Variants in EYS observed in about 807,000 individuals in gnomAD.
The protein encoded by EYS is EGF-like photoreceptor maintenance factor.
A neutral mutation model predicts 282.1 loss-of-function variants in EYS; 250 were observed. That is an observed-to-expected ratio of 0.89 (90% CI 0.80 to 0.98). The LOEUF (loss-of-function observed/expected upper bound fraction) is 0.98. Ranked by LOEUF, EYS falls within the 50% of genes least tolerant of loss-of-function variation. EYS has a pLI of 0.00. For missense variants in EYS, 4,016 were observed against 3,709.0 expected (o/e 1.08, Z -2.15); for synonymous variants, 1,355 against 1,282.9 (o/e 1.06, Z -1.20).
intron 1 of EYS, among the ~76,000 whole-genome samples, chr6:65,644,701 A>C (rs1000632680): frequency 3.3e-5 from 5 of 152,236 alleles, no homozygotes; most frequent in African/African-American, 4.8e-5. Flanking sequence ...AACCTATCAG[A>C]TTAACAGCAG....
intron 31 of EYS, among the ~76,000 whole-genome samples, chr6:64,110,782 A>G (rs930768719): frequency 2.0e-5 from 3 of 151,968 alleles, no homozygotes; most frequent in African/African-American, 7.2e-5. Flanking sequence ...AAAGGAGTCT[A>G]AAAAAGGCAG....
intron 12 of EYS, among the ~76,000 whole-genome samples, chr6:65,242,266 G>T (rs1767076025): frequency 6.6e-6 from 1 of 151,904 alleles, no homozygotes; most frequent in Non-Finnish European, 1.5e-5. Context: ...ACCAGGAAAA[G>T]AATCTATTAG....
intron 6 of EYS, 34 bp downstream of exon 6, chr6:65,405,140 A>T (rs1412457237): frequency 6.5e-7 from 1 of 1,534,540 alleles, no homozygotes; most frequent in Non-Finnish European, 9.0e-7. Flanking sequence ...AAAAAATTTA[A>T]AACCACTCAC....
At chr6:64,166,070 T>A (rs996377373) in intron 31 of EYS, among the ~76,000 whole-genome samples, 5 of 152,208 alleles carry the variant, frequency 3.3e-5, no homozygotes, top group Non-Finnish European at 5.9e-5. Flanking sequence ...TTTCATAGCA[T>A]CTTAATGTTG....
intron 19 of EYS, among the ~76,000 whole-genome samples, chr6:64,870,836 AG>A (rs1201169321): frequency 1.3e-5 from 2 of 151,870 alleles, no homozygotes; most frequent in Non-Finnish European, 2.9e-5. Context: ...AGCAGACCGA[AG>A]GAAAAAAATA....
chr6:65,104,007 G>C (rs1774965717), intron 12 of EYS, among the ~76,000 whole-genome samples: 1 of 151,238 alleles, frequency 6.6e-6, no homozygotes, highest in Non-Finnish European at 1.5e-5. Context: ...TTATCTTGTT[G>C]TTCATGACTC....
At chr6:65,126,667 T>C (rs2150199638) in intron 12 of EYS, among the ~76,000 whole-genome samples, 2 of 152,338 alleles carry the variant, frequency 1.3e-5, no homozygotes, top group South Asian at 4.1e-4. Flanking sequence ...TGCAGTCAGC[T>C]AAGTATAGGA....
intron 5 of EYS, among the ~76,000 whole-genome samples, chr6:65,450,467 A>G (rs1764360015): frequency 6.6e-6 from 1 of 152,170 alleles, no homozygotes; most frequent in Non-Finnish European, 1.5e-5. Flanking sequence ...TCAAGGGGGA[A>G]AGAAAGTAGT....
At chr6:63,984,958 T>C (rs1767286496) in intron 34 of EYS, among the ~76,000 whole-genome samples, 1 of 151,718 alleles carries the variant, frequency 6.6e-6, no homozygotes, top group South Asian at 2.1e-4. Flanking sequence ...AATAAAGCCA[T>C]GTTAACTAAT....
chr6:64,576,015 G>A (rs926999070), intron 26 of EYS, among the ~76,000 whole-genome samples: 27 of 152,098 alleles, frequency 1.8e-4, no homozygotes, highest in Non-Finnish European at 3.5e-4. Flanking sequence ...CAAAGAGCTA[G>A]TAAGTTATAG....
At chr6:64,156,787 C>T (rs1244958243) in intron 31 of EYS, among the ~76,000 whole-genome samples, 5 of 152,056 alleles carry the variant, frequency 3.3e-5, no homozygotes, top group Non-Finnish European at 7.4e-5. Flanking sequence ...AGAGATGATT[C>T]AGAGTATCTG....
rs1444355508 is a variant in EYS at position 65,334,824 on chromosome 6, T to C, written c.1766+156A>G. On this transcript the variant is annotated intron_variant, in intron 11 of 42. Coordinates refer to ENST00000503581, the MANE Select transcript of EYS (RefSeq NM_001142800.2). ...ATAACATGTATTATGTAACATAATA[T>C]ATAATAACTATATATGTATATGTAA... 8.1e-6 allele frequency: 5 copies of C among 618,896 alleles called. No homozygotes were observed. In the East Asian group the frequency reaches 1.1e-4, roughly 14 times the overall value. The allele number at this position is 618,896 out of a possible 1,614,324, so 38.3% of individuals were successfully genotyped here.
intron 11 of EYS, chr6:65,331,249 T>A (rs1769786633): frequency 1.5e-6 from 1 of 654,964 alleles, no homozygotes; most frequent in Admixed American, 6.4e-5. Context: ...ATATTTTAGC[T>A]AATTTAAGGC....
chr6:63,786,242 TAAAG>T lies in EYS; in HGVS notation c.7723+1859_7723+1862del, dbSNP rs1178850622. On this transcript the variant is annotated intron_variant, in intron 39 of 42. Transcript: ENST00000503581. The stretch of plus-strand genomic sequence containing the variant: ...AAAAAAAGGTAAAGTAAAATAAAAA[TAAAG>T]AGTTTATAAAAATGTAAAAGCCTAG... The T allele has an allele frequency of 2.3e-3, 312 of 137,606 alleles. 2 individuals are homozygous for T. Among genetic ancestry groups the T allele is most frequent in the African/African-American group, 6.7e-3 (249 of 37,282 alleles). The allele number at this position is 137,606 out of a possible 1,614,324, so 8.5% of individuals were successfully genotyped here.
chr6:65,602,472 C>T (rs1055304230), intron 2 of EYS, among the ~76,000 whole-genome samples: 1 of 151,858 alleles, frequency 6.6e-6, no homozygotes, highest in African/African-American at 2.4e-5. Context: ...CAAATGTTTT[C>T]TCCACATGCA....
chr6:65,635,320 A>T (rs1309197772), intron 2 of EYS, among the ~76,000 whole-genome samples: 1 of 152,168 alleles, frequency 6.6e-6, no homozygotes, highest in Admixed American at 6.5e-5. Flanking sequence ...AGCCCAAAGC[A>T]GGGTTTAAAA....
At chr6:65,283,475 T>A (rs1768278080) in intron 12 of EYS, among the ~76,000 whole-genome samples, 3 of 152,048 alleles carry the variant, frequency 2.0e-5, no homozygotes, top group Admixed American at 6.6e-5. Flanking sequence ...GACTATTTGT[T>A]AATAACATCT....
At chr6:65,410,349 T>C (rs1225902343) in intron 5 of EYS, among the ~76,000 whole-genome samples, 2 of 152,088 alleles carry the variant, frequency 1.3e-5, no homozygotes, top group Non-Finnish European at 2.9e-5. Flanking sequence ...CCAATCGGGA[T>C]AGTTAGTATA....
At chr6:65,599,194 A>G (rs1471299520) in intron 2 of EYS, among the ~76,000 whole-genome samples, 2 of 152,070 alleles carry the variant, frequency 1.3e-5, no homozygotes, top group African/African-American at 2.4e-5. Flanking sequence ...TGAATGAGGA[A>G]CCCACCTATA....
Sources: allele counts gnomAD v4.1 joint callset (sites outside exome capture counted in the v4.1 genomes callset), GRCh38; gene constraint gnomAD v4.1.1; transcripts MANE v1.5; gene names NCBI Gene and HGNC (gene_info 2026-07-23, HGNC 2026-07-21).